THSD4: variants seen among roughly 807,000 people sequenced by gnomAD.
THSD4 encodes thrombospondin type-1 domain-containing protein 4.
THSD4 carries 69 observed loss-of-function variants against 119.0 expected under a neutral mutation model. The ratio of observed to expected loss-of-function variants is 0.58; its 90% CI spans 0.48 to 0.71. The LOEUF is 0.71. Among genes scored for constraint, THSD4 ranks in the 30% least tolerant of loss-of-function variants. THSD4 has a pLI of 0.00. For missense variants in THSD4, 1,393 were observed against 1,391.1 expected (o/e 1.00, Z -0.02); for synonymous variants, 524 against 540.4 (o/e 0.97, Z 0.42).
intron 7 of THSD4, among the ~76,000 whole-genome samples, chr15:71,598,094 G>A (rs576534592): frequency 2.0e-5 from 3 of 152,198 alleles, no homozygotes; most frequent in African/African-American, 7.2e-5. Context: ...AAAGAGGACC[G>A]GTCAAGAGAT....
At chr15:71,427,904 T>C (rs1160450021) in intron 7 of THSD4, among the ~76,000 whole-genome samples, 2 of 152,054 alleles carry the variant, frequency 1.3e-5, no homozygotes, top group African/African-American at 4.8e-5. Context: ...CAGGTAAAAT[T>C]GGGGTGGGAT....
intron 7 of THSD4, among the ~76,000 whole-genome samples, chr15:71,647,268 C>T (rs984317536): frequency 2.6e-5 from 4 of 152,182 alleles, no homozygotes; most frequent in African/African-American, 9.6e-5. Flanking sequence ...TATTGCCCTA[C>T]CTTTCAGTTT....
intron 6 of THSD4, among the ~76,000 whole-genome samples, chr15:71,269,979 T>A (rs1344090069): frequency 6.6e-6 from 1 of 152,222 alleles, no homozygotes; most frequent in African/African-American, 2.4e-5. Flanking sequence ...AAACATTCCA[T>A]GCTCGTGGAT....
At chr15:71,699,370 G>A (rs1462108343) in intron 8 of THSD4, among the ~76,000 whole-genome samples, 1 of 139,940 alleles carries the variant, frequency 7.1e-6, no homozygotes, top group Non-Finnish European at 1.5e-5. Flanking sequence ...CCGCCACTAC[G>A]CCCGGCTAAT....
chr15:71,118,594 T>C (rs2040382739), intron 1 of THSD4, among the ~76,000 whole-genome samples: 1 of 136,676 alleles, frequency 7.3e-6, no homozygotes. Context: ...TGAAAGCACA[T>C]GACTATTTGC....
intron 6 of THSD4, among the ~76,000 whole-genome samples, chr15:71,410,970 C>T (rs1023773850): frequency 2.0e-5 from 3 of 152,158 alleles, no homozygotes; most frequent in African/African-American, 7.2e-5. Flanking sequence ...ATCACTTGAA[C>T]CCGGGAGGCG....
chr15:71,197,742 G>A (rs974183568), intron 3 of THSD4, among the ~76,000 whole-genome samples: 1 of 151,928 alleles, frequency 6.6e-6, no homozygotes, highest in African/African-American at 2.4e-5. Context: ...TGCCCCCACT[G>A]GACTGTCAGG....
At chr15:71,299,673 TAA>T (rs913933021) in intron 6 of THSD4, among the ~76,000 whole-genome samples, 3 of 152,124 alleles carry the variant, frequency 2.0e-5, no homozygotes, top group African/African-American at 7.2e-5. Flanking sequence ...TCAAAATTAC[TAA>T]AAGAGTAGAC....
chr15:71,772,343 T>A (rs1056753100), intron 17 of THSD4, among the ~76,000 whole-genome samples: 1 of 152,150 alleles, frequency 6.6e-6, no homozygotes, highest in Admixed American at 6.5e-5. Context: ...ACTAAAGTTA[T>A]GGGGATGACC....
chr15:71,737,796 G>C lies in THSD4; in HGVS notation c.1695G>C (p.Gly565=), dbSNP rs760971831. Residue 565 remains glycine, a synonymous_variant, in exon 11 of 18, where the codon GGG becomes GGC. Coordinates refer to ENST00000261862, the MANE Select transcript of THSD4 (RefSeq NM_024817.3). ...GCCAGGAGGAGGGAGAACAGAAAGG[G>C]AGGAACGAGGAGAAGGAAGACTTGC... ...GRSQEEGEQK[G]RNEEKEDLRG... is the part of the protein sequence containing the mutation. 1.2e-6 allele frequency: 2 copies of C among 1,614,236 alleles called. No individual in the cohort carries two copies. The highest frequency in any genetic ancestry group is 1.7e-6 in the Non-Finnish European group (2 of 1,180,022).
intron 1 of THSD4, among the ~76,000 whole-genome samples, chr15:71,104,711 C>A (rs987159802): frequency 6.6e-6 from 1 of 151,982 alleles, no homozygotes; most frequent in African/African-American, 2.4e-5. Context: ...TGGTTCGGCC[C>A]GAAAAGGTGT....
chr15:71,409,990 T>C (rs1390088150), intron 6 of THSD4, among the ~76,000 whole-genome samples: 1 of 152,184 alleles, frequency 6.6e-6, no homozygotes, highest in Non-Finnish European at 1.5e-5. Context: ...ATTCTTATTT[T>C]GGAAGCAACT....
chr15:71,251,587 A>G (rs575255101), intron 5 of THSD4, among the ~76,000 whole-genome samples: 1 of 152,354 alleles, frequency 6.6e-6, no homozygotes, highest in South Asian at 2.1e-4. Context: ...GACATTAAAT[A>G]CATCATATGT....
intron 8 of THSD4, among the ~76,000 whole-genome samples, chr15:71,709,050 C>T (rs1480626462): frequency 2.0e-5 from 3 of 152,134 alleles, no homozygotes; most frequent in African/African-American, 7.2e-5. Flanking sequence ...GTACAGATCA[C>T]AAAATGGATT....
chr15:71,439,317 G>T (rs557465354), intron 7 of THSD4, among the ~76,000 whole-genome samples: 21 of 152,116 alleles, frequency 1.4e-4, no homozygotes, highest in Non-Finnish European at 2.6e-4. Context: ...CTCTTCTTGT[G>T]TTCTATTTTC....
At chr15:71,397,439 C>T (rs1301435808) in intron 6 of THSD4, among the ~76,000 whole-genome samples, 3 of 152,142 alleles carry the variant, frequency 2.0e-5, no homozygotes, top group East Asian at 1.9e-4. Flanking sequence ...GCTGAGTAAA[C>T]GAATCCATGA....
rs538448049 is a variant in THSD4 at position 71,771,569 on chromosome 15, A to G, written c.2914+361A>G. 9.2e-5 allele frequency among the ~76,000 whole-genome samples: 14 copies of G among 152,296 alleles called. No homozygotes were observed. The South Asian group carries it at 2.9e-3, about 32-fold the overall frequency. On this transcript the variant is annotated intron_variant, in intron 17 of 17. Transcript: ENST00000261862. The stretch of plus-strand genomic sequence containing the variant: ...CCATGTGGGGAGATTCTGGGACCTT[A>G]GCAGGGAGTTGGCAGAGAAGGGAGG...
intron 7 of THSD4, among the ~76,000 whole-genome samples, chr15:71,548,461 G>C (rs2048873727): frequency 6.6e-6 from 1 of 152,220 alleles, no homozygotes; most frequent in Admixed American, 6.5e-5. Context: ...TAAGAAGAGT[G>C]GAAGTGGGAG....
chr15:71,780,702 A>G lies in THSD4; in HGVS notation c.*3328A>G, dbSNP rs2053985123. On this transcript the variant is annotated 3_prime_UTR_variant, in exon 18 of 18. Transcript: ENST00000261862. The stretch of plus-strand genomic sequence containing the variant: ...CTAGAACATGACAAGAATTCTCCGC[A>G]CTGTGCCTACCTGTCCCTTTACCTT... 4.4e-6 allele frequency: 2 copies of G among 456,634 alleles called. No homozygotes were observed. Among genetic ancestry groups the G allele is most frequent in the South Asian group, 3.1e-5 (2 of 64,556 alleles). 28.3% of individuals were successfully genotyped at this position (456,634 alleles called of 1,614,324 possible).
Sources: allele counts gnomAD v4.1 joint callset (sites outside exome capture counted in the v4.1 genomes callset), GRCh38; gene constraint gnomAD v4.1.1; transcripts MANE v1.5; gene names NCBI Gene and HGNC (gene_info 2026-07-23, HGNC 2026-07-21).